KLK1: variants seen among roughly 807,000 people sequenced by gnomAD.
KLK1 encodes kallikrein-1.
KLK1 carries 22 observed loss-of-function variants against 23.3 expected under a neutral mutation model. The ratio of observed to expected loss-of-function variants is 0.95; its 90% CI spans 0.68 to 1.35. KLK1 has a LOEUF of 1.35. Among genes scored for constraint, KLK1 ranks in the 40% most tolerant of loss-of-function variants. The probability of loss-of-function intolerance (pLI) is 0.00; values close to 1 mark genes in which losing one functional copy is unlikely to be tolerated. For synonymous variants in KLK1, 140 were observed against 135.8 expected (o/e 1.03, Z -0.21); for missense variants, 301 against 338.9 (o/e 0.89, Z 0.88).
chr19:50,819,833 A>C, intron 4 of KLK1, 66 bp downstream of exon 4: 1 of 1,530,980 alleles, frequency 6.5e-7, no homozygotes, highest in Non-Finnish European at 8.9e-7. Context: ...TAGCTCTCAG[A>C]AGCCAGTTCA....
chr19:50,821,100 C>T lies in KLK1; in HGVS notation c.206+612G>A, dbSNP rs969858049. ...CTTCCCTTCCCAGCACCCTCCCGCG[C>T]GTTTCTCGCCCCGCCTCCTCCTTCC... is the stretch of plus-strand genomic sequence containing the variant. On this transcript the variant is annotated intron_variant, in intron 2 of 4. Coordinates refer to ENST00000301420, the MANE Select transcript of KLK1 (RefSeq NM_002257.4). The surrounding 1 kb of genome is among the most constrained non-coding windows in gnomAD (Gnocchi z 5.6). Among the ~76,000 whole-genome samples the T allele has an allele frequency of 1.3e-5, 2 of 152,140 alleles. No homozygotes were observed. The highest frequency in any genetic ancestry group is 2.4e-5 in the African/African-American group (1 of 41,436).
chr19:50,820,665 AAG>A (rs1299580539), intron 2 of KLK1: 4 of 456,424 alleles, frequency 8.8e-6, no homozygotes, highest in African/African-American at 2.0e-5. Flanking sequence ...CAGAGCAAAA[AAG>A]AGCTCAAAAG....
intron 4 of KLK1, 143 bp downstream of exon 4, chr19:50,819,756 G>A (rs1447221094): frequency 1.3e-6 from 1 of 762,580 alleles, no homozygotes; most frequent in African/African-American, 1.7e-5. Context: ...GGGAAGGAGG[G>A]GGAGCTGGGG....
At chr19:50,820,501 CAGGGGAGCA>C in intron 2 of KLK1, 58 bp from the exon 3 acceptor site, 1 of 282,188 alleles carries the variant, frequency 3.5e-6, no homozygotes, top group Non-Finnish European at 6.1e-6. Context: ...GGGGATGGGG[CAGGGGAGCA>C]TGGGGGAGGG....
chr19:50,821,858 C>CG lies in KLK1; in HGVS notation c.59dup (p.Ile21AspfsTer12), dbSNP rs759408249. 4.0e-5 allele frequency: 64 copies of CG among 1,609,858 alleles called. No homozygotes were observed. Among genetic ancestry groups the CG allele is most frequent in the Middle Eastern group, 1.7e-4 (1 of 5,874 alleles). On this transcript the variant is annotated frameshift_variant, in exon 2 of 5. Coordinates refer to ENST00000301420, the MANE Select transcript of KLK1 (RefSeq NM_002257.4). LOFTEE classifies it high-confidence loss of function. The surrounding 1 kb of genome is among the most constrained non-coding windows in gnomAD (Gnocchi z 5.6). ...AGCCTCCCACAATCCGGGACTGAATCGGGGGCGCAGCACCTGCAGAGGCGG... is the reference window on the plus strand; with the variant it reads ...AGCCTCCCACAATCCGGGACTGAATCGGGGGGCGCAGCACCTGCAGAGGCGG...
At position 50,820,653 on chromosome 19, in the gene KLK1, GAC is replaced by G. The variant is rs2089821992; in HGVS notation, c.207-212_207-211del. 4 of 492,444 alleles carry G rather than the reference GAC, an allele frequency of 8.1e-6. No homozygotes were observed. The South Asian group carries it at 1.3e-4, about 15-fold the overall frequency. 30.5% of individuals were successfully genotyped at this position (492,444 alleles called of 1,614,324 possible). A position where few individuals can be genotyped will look rare whatever the true frequency, so the allele number is the denominator to read the frequency against. ...TGAGAGTGCAAAAGGCAAATGAAGA[GAC>G]AGAGCAAAAAAGAGCTCAAAAGGAC... On this transcript the variant is annotated intron_variant, in intron 2 of 4. Transcript: ENST00000301420.
In KLK1 at chr19:50,821,665, T is replaced by C. The variant is rs1255060479; in HGVS notation, c.206+47A>G. On this transcript the variant is annotated intron_variant, in intron 2 of 4. Coordinates refer to ENST00000301420, the MANE Select transcript of KLK1 (RefSeq NM_002257.4). This position sits in a 1 kb window ranked among gnomAD's most constrained non-coding sequence, Gnocchi z 5.6. ...GGGAATGCCACTGGCCTGTCAATCCTGTGGCAGCATAGATGCCCTCCTCCC... is the reference window on the plus strand; with the variant it reads ...GGGAATGCCACTGGCCTGTCAATCCCGTGGCAGCATAGATGCCCTCCTCCC... The C allele has an allele frequency of 2.0e-6, 3 of 1,526,982 alleles. No individual in the cohort carries two copies. The highest frequency in any genetic ancestry group is 2.6e-6 in the Non-Finnish European group (3 of 1,133,830). The allele number at this position is 1,526,982 out of a possible 1,614,324, so 94.6% of individuals were successfully genotyped here.
chr19:50,819,876 C>A (rs1397574829), intron 4 of KLK1, 23 bp downstream of exon 4: 5 of 1,612,244 alleles, frequency 3.1e-6, no homozygotes, highest in Middle Eastern at 1.7e-4. Flanking sequence ...CCCTTCCAGA[C>A]CCTGGGGGCA....
At position 50,819,844 on chromosome 19, in the gene KLK1, G is replaced by C. The variant is rs3212831; in HGVS notation, c.633+55C>G. On this transcript the variant is annotated intron_variant, in intron 4 of 4. Transcript: ENST00000301420. ...TGGTTAGCTCTCAGAAGCCAGTTCAGAGGCTGAGTCCCCTCCCTCAGCCCT... is the reference window on the plus strand; with the variant it reads ...TGGTTAGCTCTCAGAAGCCAGTTCACAGGCTGAGTCCCCTCCCTCAGCCCT... 3.2e-3 allele frequency: 5,042 copies of C among 1,576,962 alleles called. 143 individuals are homozygous for C. The African/African-American group carries it at 0.061, about 19-fold the overall frequency.
At position 50,821,209 on chromosome 19, in the gene KLK1, C is replaced by CGG. The variant is rs1210945997; in HGVS notation, c.206+501_206+502dup. Among the ~76,000 whole-genome samples the CGG allele has an allele frequency of 6.6e-6, 1 of 152,116 alleles. No homozygotes were observed. The highest frequency in any genetic ancestry group is 1.9e-4 in the East Asian group (1 of 5,168). On this transcript the variant is annotated intron_variant, in intron 2 of 4. Transcript: ENST00000301420. This position sits in a 1 kb window ranked among gnomAD's most constrained non-coding sequence, Gnocchi z 5.6. ...CAGAGTGGAGGGATATCCTGTGGGG[C>CGG]GGGGAGCTGGACAGAGGGAGAGGCG...
In KLK1 at chr19:50,820,350, G is replaced by A; in HGVS notation, c.300C>T (p.Gly100=). The change falls in exon 3 of 5, where the codon GGC becomes GGT. Residue 100 remains glycine (G), a synonymous_variant. Transcript: ENST00000301420. ...VHVSESFPHP[G]FNMSLLENHT... Reference sequence around the variant, plus strand: ...GGTTCTCCAGGAGGCTCATGTTGAAGCCAGGGTGTGGGAAGCTCTCACTGA... The same window carrying A: ...GGTTCTCCAGGAGGCTCATGTTGAAACCAGGGTGTGGGAAGCTCTCACTGA... 1 of 1,613,996 alleles carries A rather than the reference G, an allele frequency of 6.2e-7. No individual in the cohort carries two copies. Among genetic ancestry groups the A allele is most frequent in the Admixed American group, 1.7e-5 (1 of 59,992 alleles).
In KLK1 at chr19:50,819,159, T is replaced by G. The variant is rs779650978; in HGVS notation, c.*35A>C. 51 of 1,577,602 alleles carry G rather than the reference T, an allele frequency of 3.2e-5. No homozygotes were observed. The highest frequency in any genetic ancestry group is 4.1e-5 in the Non-Finnish European group (47 of 1,154,660). Reference sequence around the variant, plus strand: ...ACGTGACACACATTGGATGCACATTTGATTTTACTGGGGGTAGGGGACAGG... The same window carrying G: ...ACGTGACACACATTGGATGCACATTGGATTTTACTGGGGGTAGGGGACAGG... On this transcript the variant is annotated 3_prime_UTR_variant, in exon 5 of 5. Transcript: ENST00000301420.
At chr19:50,820,949 C>T (rs1295667026) in intron 2 of KLK1, 2 of 6,870 alleles carry the variant, frequency 2.9e-4, no homozygotes, top group Non-Finnish European at 5.7e-4. Flanking sequence ...AGGGTGGGGG[C>T]AGGTGGGGAG....
Position 50,821,614 on chromosome 19 carries a change from C to A in KLK1, c.206+98G>T. The A allele has an allele frequency of 7.0e-7, 1 of 1,422,410 alleles. No homozygotes were observed. The highest frequency in any genetic ancestry group is 1.5e-5 in the South Asian group (1 of 66,338). 88.1% of individuals were successfully genotyped at this position (1,422,410 alleles called of 1,614,324 possible). The stretch of plus-strand genomic sequence containing the variant: ...AGAGCCTTCCTCTCTGCCTCAGCCC[C>A]CCAGTCTTGCCTGAGGTTATCCAAG... On this transcript the variant is annotated intron_variant, in intron 2 of 4. Coordinates refer to ENST00000301420, the MANE Select transcript of KLK1 (RefSeq NM_002257.4). This position sits in a 1 kb window ranked among gnomAD's most constrained non-coding sequence, Gnocchi z 5.6.
chr19:50,822,379 G>A (rs2089833677), intron 1 of KLK1: 1 of 986,996 alleles, frequency 1.0e-6, no homozygotes, highest in Non-Finnish European at 1.2e-6. Context: ...CAGCTTTAGG[G>A]AACCAGGTCT....
In KLK1 at chr19:50,823,636, G is replaced by A. The variant is rs529926442; in HGVS notation, c.46+67C>T. 3.0e-4 allele frequency: 317 copies of A among 1,069,186 alleles called. 2 individuals are homozygous for A. The East Asian group carries it at 6.3e-3, about 21-fold the overall frequency. The allele number at this position is 1,069,186 out of a possible 1,614,324, so 66.2% of individuals were successfully genotyped here. ...GTGTTGGAGGGGAAGGTCTTATCGGGGGGGGATGTGAGGCCAGCAAGAGAA... is the reference window on the plus strand; with the variant it reads ...GTGTTGGAGGGGAAGGTCTTATCGGAGGGGGATGTGAGGCCAGCAAGAGAA... On this transcript the variant is annotated intron_variant, in intron 1 of 4. Transcript: ENST00000301420.
At chr19:50,822,030 G>T (rs2089831555) in intron 1 of KLK1, 159 bp from the exon 2 acceptor site, 1 of 1,411,106 alleles carries the variant, frequency 7.1e-7, no homozygotes, top group African/African-American at 1.4e-5. Flanking sequence ...GGAAGGGGTG[G>T]GACTCTGGAC....
chr19:50,821,626 T>G lies in KLK1; in HGVS notation c.206+86A>C. 3.4e-6 allele frequency: 5 copies of G among 1,455,116 alleles called. No individual in the cohort carries two copies. Among genetic ancestry groups the G allele is most frequent in the Non-Finnish European group, 3.6e-6 (4 of 1,098,620 alleles). The allele number at this position is 1,455,116 out of a possible 1,614,324, so 90.1% of individuals were successfully genotyped here. ...TCTGCCTCAGCCCCCCAGTCTTGCC[T>G]GAGGTTATCCAAGGGGAATGCCACT... On this transcript the variant is annotated intron_variant, in intron 2 of 4. Transcript: ENST00000301420. This position sits in a 1 kb window ranked among gnomAD's most constrained non-coding sequence, Gnocchi z 5.6.
At chr19:50,822,064 T>A in intron 1 of KLK1, 193 bp from the exon 2 acceptor site, 1 of 1,356,626 alleles carries the variant, frequency 7.4e-7, no homozygotes, top group Non-Finnish European at 9.5e-7. Flanking sequence ...TTTGGAGTGG[T>A]GGCTGGACCT....
Sources: gnomAD v4.1 joint callset for allele counts (sites outside exome capture counted in the v4.1 genomes callset) on GRCh38, gnomAD v4.1.1 for gene constraint, Gnocchi (gnomAD v3.1) non-coding constraint, MANE v1.5 for transcripts, NCBI Gene and HGNC (gene_info 2026-07-23, HGNC 2026-07-21) for gene names.